The following NCOA1 variants were observed in gnomAD, a reference collection of about 807,000 sequenced individuals.
The protein encoded by NCOA1 is nuclear receptor coactivator 1, also known as Hin-2 protein.
Under a neutral mutation model 150.9 loss-of-function variants are expected in NCOA1, and 35 were observed. The ratio of observed to expected loss-of-function variants is 0.23; its 90% CI spans 0.18 to 0.31. The LOEUF is 0.31. Ranked by LOEUF, NCOA1 falls within the 10% of genes least tolerant of loss-of-function variation. NCOA1 has a pLI of 1.00. For missense variants in NCOA1, 1,491 were observed against 1,749.3 expected, an observed-to-expected ratio of 0.85 and a Z score of 2.63; for synonymous variants, 590 against 630.0, an observed-to-expected ratio of 0.94 and a Z score of 0.95.
intron 11 of NCOA1, 42 bp downstream of exon 11, chr2:24,697,840 T>G: frequency 6.4e-7 from 1 of 1,557,866 alleles, no homozygotes; most frequent in Non-Finnish European, 8.8e-7. Context: ...ACCCTTATCT[T>G]TACTGATATT....
Position 24,584,479 on chromosome 2 carries a change from C to G in NCOA1, c.-256C>G, listed in dbSNP as rs1667319578. The G allele has an allele frequency of 6.6e-6, 1 of 152,150 alleles. No homozygotes were observed. The highest frequency in any genetic ancestry group is 1.5e-5 in the Non-Finnish European group (1 of 68,022). 9.4% of individuals were successfully genotyped at this position (152,150 alleles called of 1,614,324 possible). On this transcript the variant is annotated 5_prime_UTR_variant, in exon 3 of 23. Transcript: ENST00000348332. ...CTTACTGTTTTCCTAATTTCAGGTTCCAGTTACAGCTATATCAGAGAATGA... is the reference window on the plus strand; with the variant it reads ...CTTACTGTTTTCCTAATTTCAGGTTGCAGTTACAGCTATATCAGAGAATGA...
chr2:24,710,714 A>T (rs1673706581), intron 13 of NCOA1, among the ~76,000 whole-genome samples: 1 of 61,324 alleles, frequency 1.6e-5, no homozygotes, highest in Admixed American at 2.5e-4. Context: ...CCTGCAGTAT[A>T]TGAATACTAT....
intron 1 of NCOA1, among the ~76,000 whole-genome samples, chr2:24,553,817 TTTC>T (rs1665963965): frequency 6.6e-6 from 1 of 152,342 alleles, no homozygotes; most frequent in Admixed American, 6.5e-5. Flanking sequence ...TGAGAAACGT[TTTC>T]TTCTTGTTTC....
At chr2:24,758,583 A>G (rs976851175) in intron 21 of NCOA1, among the ~76,000 whole-genome samples, 3 of 151,890 alleles carry the variant, frequency 2.0e-5, no homozygotes, top group African/African-American at 7.3e-5. Context: ...CTCCTATCCC[A>G]GCCTCCCAAA....
intron 10 of NCOA1, among the ~76,000 whole-genome samples, chr2:24,693,696 G>T (rs1672771690): frequency 6.6e-6 from 1 of 151,508 alleles, no homozygotes; most frequent in African/African-American, 2.4e-5. Context: ...TATGAATATG[G>T]TAGTTTTACT....
At chr2:24,526,406 A>C (rs1361140275) in intron 1 of NCOA1, among the ~76,000 whole-genome samples, 4 of 152,032 alleles carry the variant, frequency 2.6e-5, no homozygotes, top group Non-Finnish European at 2.9e-5. Flanking sequence ...TCATTCTAGA[A>C]TGGAAAAGAA....
chr2:24,566,524 C>T lies in NCOA1; in HGVS notation c.-260+2094C>T, dbSNP rs1257112604. Among the ~76,000 whole-genome samples the T allele has an allele frequency of 7.2e-5, 11 of 152,324 alleles. No individual in the cohort carries two copies. In the East Asian group the frequency reaches 2.1e-3, roughly 29 times the overall value. On this transcript the variant is annotated intron_variant, in intron 2 of 22. Coordinates refer to ENST00000348332, the MANE Select transcript of NCOA1 (RefSeq NM_003743.5). ...GGCTTCCCAGGGGCTGAAGTGCATG[C>T]TGATTGGTTCATGAGTGGGCCCAGA...
Position 24,769,999 on chromosome 2 carries a change from T to G in NCOA1, c.*1608T>G, listed in dbSNP as rs144798576. On this transcript the variant is annotated 3_prime_UTR_variant, in exon 23 of 23. Coordinates refer to ENST00000348332, the MANE Select transcript of NCOA1 (RefSeq NM_003743.5). ...AGGAAGAAGCCATTTCCCCAGGTCC[T>G]TCCTTCTGCATCTCACCACCCCTAG... is the stretch of plus-strand genomic sequence containing the variant. 2.6e-5 allele frequency: 6 copies of G among 227,640 alleles called. No homozygotes were observed. The highest frequency in any genetic ancestry group is 2.6e-3 in the Middle Eastern group (2 of 756). 14.1% of individuals were successfully genotyped at this position (227,640 alleles called of 1,614,324 possible). A position where few individuals can be genotyped will look rare whatever the true frequency, so the allele number is the denominator to read the frequency against.
chr2:24,759,444 G>A (rs1364787389), intron 21 of NCOA1, among the ~76,000 whole-genome samples: 2 of 152,204 alleles, frequency 1.3e-5, no homozygotes, highest in Non-Finnish European at 2.9e-5. Context: ...AAGAAGTAAT[G>A]TGGTAAGCTT....
intron 3 of NCOA1, among the ~76,000 whole-genome samples, chr2:24,638,405 C>T (rs1016957460): frequency 6.6e-5 from 10 of 151,854 alleles, no homozygotes; most frequent in African/African-American, 2.2e-4. Flanking sequence ...AGGTTGATTC[C>T]ATATCTTAAC....
chr2:24,702,443 A>T (rs1192783155), intron 11 of NCOA1, among the ~76,000 whole-genome samples: 1 of 152,276 alleles, frequency 6.6e-6, no homozygotes, highest in Admixed American at 6.5e-5. Context: ...TATTTTGTTA[A>T]TATCAGTCAG....
intron 2 of NCOA1, among the ~76,000 whole-genome samples, chr2:24,581,521 TG>T (rs1304640318): frequency 1.3e-5 from 2 of 152,220 alleles, no homozygotes; most frequent in Non-Finnish European, 2.9e-5. Context: ...GTGCTCTGTC[TG>T]GATTGTCTCT....
At position 24,576,163 on chromosome 2, in the gene NCOA1, G is replaced by GTTT. The variant is rs1491073238; in HGVS notation, c.-259-8309_-259-8307dup. Among the ~76,000 whole-genome samples the GTTT allele has an allele frequency of 1.2e-3, 112 of 92,684 alleles. 2 individuals carry two copies. Among genetic ancestry groups the GTTT allele is most frequent in the South Asian group, 3.4e-3 (10 of 2,950 alleles). 60.8% of individuals were successfully genotyped at this position (92,684 alleles called of 152,430 possible). On this transcript the variant is annotated intron_variant, in intron 2 of 22. Coordinates refer to ENST00000348332, the MANE Select transcript of NCOA1 (RefSeq NM_003743.5). ...ATTTGGCCTTTGTTTTTTTTTTTTT[G>GTTT]TTTTTTGTTTTTTTTTTTTTTTTTT...
At chr2:24,570,119 A>G (rs1014006660) in intron 2 of NCOA1, among the ~76,000 whole-genome samples, 17 of 145,670 alleles carry the variant, frequency 1.2e-4, no homozygotes, top group African/African-American at 3.3e-4. Flanking sequence ...AAGTCTTGCT[A>G]TATAATTTCT....
chr2:24,691,892 C>G (rs1382816532), intron 9 of NCOA1, among the ~76,000 whole-genome samples: 1 of 152,082 alleles, frequency 6.6e-6, no homozygotes, highest in African/African-American at 2.4e-5. Context: ...AGCTGGCATT[C>G]CCACTAAAAT....
chr2:24,629,852 T>G (rs1172186585), intron 3 of NCOA1, among the ~76,000 whole-genome samples: 5 of 105,468 alleles, frequency 4.7e-5, no homozygotes, highest in African/African-American at 1.5e-4. Context: ...ATATATGTAT[T>G]TTTTTTTTTG....
chr2:24,561,145 A>G (rs553639360), intron 1 of NCOA1, among the ~76,000 whole-genome samples: 1 of 152,334 alleles, frequency 6.6e-6, no homozygotes, highest in African/African-American at 2.4e-5. Flanking sequence ...GGCAGGAGGA[A>G]TAAGACTGTA....
At chr2:24,537,235 T>TACAC (rs1241311718) in intron 1 of NCOA1, among the ~76,000 whole-genome samples, 2 of 62,666 alleles carry the variant, frequency 3.2e-5, no homozygotes, top group African/African-American at 7.5e-5. Flanking sequence ...GTAACTGTGA[T>TACAC]ACATACACAC....
intron 19 of NCOA1, among the ~76,000 whole-genome samples, chr2:24,749,670 C>T (rs1664117914): frequency 6.6e-6 from 1 of 152,128 alleles, no homozygotes; most frequent in African/African-American, 2.4e-5. Flanking sequence ...AACCTGTTTC[C>T]ATGTAGCCTA....
Sources: allele counts gnomAD v4.1 joint callset (sites outside exome capture counted in the v4.1 genomes callset), GRCh38; gene constraint gnomAD v4.1.1; transcripts MANE v1.5; gene names NCBI Gene and HGNC (gene_info 2026-07-23, HGNC 2026-07-21).